The following MIA3 variants were observed in gnomAD, a reference collection of about 807,000 sequenced individuals.
The protein encoded by MIA3 is transport and Golgi organization protein 1 homolog.
In MIA3, 90 loss-of-function variants were observed where a neutral mutation model predicts 192.4. The observed-to-expected ratio is 0.47, with a 90% CI of 0.39 to 0.56. The LOEUF is 0.56. Ranked by LOEUF, MIA3 falls within the 20% of genes least tolerant of loss-of-function variation. The probability of loss-of-function intolerance (pLI) is 0.00; values close to 1 mark genes in which losing one functional copy is unlikely to be tolerated. For missense variants in MIA3, 2,123 were observed against 2,269.4 expected (o/e 0.94, Z 1.31); for synonymous variants, 740 against 792.8 (o/e 0.93, Z 1.12).
At chr1:222,623,179 C>G (rs372824524) in intron 2 of MIA3, among the ~76,000 whole-genome samples, 2 of 152,126 alleles carry the variant, frequency 1.3e-5, no homozygotes, top group Admixed American at 6.5e-5. Context: ...CCTCCTACCC[C>G]CCGCCCAAAT....
intron 1 of MIA3, 34 bp downstream of exon 1, chr1:222,618,277 C>T: frequency 7.3e-7 from 1 of 1,372,940 alleles, no homozygotes; most frequent in Non-Finnish European, 9.6e-7. Flanking sequence ...GGCCTCGGGG[C>T]GGCTGGCCTT....
At position 222,618,215 on chromosome 1, in the gene MIA3, C is replaced by T; in HGVS notation, c.105C>T (p.His35=). 6.7e-7 allele frequency: 1 copy of T among 1,489,902 alleles called. No individual in the cohort carries two copies. Among genetic ancestry groups the T allele is most frequent in the Non-Finnish European group, 9.0e-7 (1 of 1,115,962 alleles). The allele number at this position is 1,489,902 out of a possible 1,614,324, so 92.3% of individuals were successfully genotyped here. Residue 35 remains histidine, a synonymous_variant, in exon 1 of 28, where the codon CAC becomes CAT. Coordinates refer to ENST00000344922, the MANE Select transcript of MIA3 (RefSeq NM_198551.4). ...DPSTGRRFSE[H]KLCADDECSM... ...GCACTGGCCGGCGGTTCTCGGAGCA[C>T]AAACTCTGCGCGGACGACGAATGCA... is the stretch of plus-strand genomic sequence containing the variant.
rs763756419 is a variant in MIA3 at position 222,658,503 on chromosome 1, G to A, written c.4608-219G>A. On this transcript the variant is annotated intron_variant, in intron 18 of 27. Coordinates refer to ENST00000344922, the MANE Select transcript of MIA3 (RefSeq NM_198551.4). ...TTTTTCACATTTGTTTCATTTACTA[G>A]TGAGGAGAGAATTATGAGACGTTAG... is the stretch of plus-strand genomic sequence containing the variant. The A allele has an allele frequency of 2.1e-5, 8 of 381,816 alleles. No homozygotes were observed. In the Admixed American group the frequency reaches 2.2e-4, roughly 11 times the overall value. 23.7% of individuals were successfully genotyped at this position (381,816 alleles called of 1,614,324 possible).
chr1:222,642,263 T>C (rs1259623133), intron 6 of MIA3, among the ~76,000 whole-genome samples: 2 of 152,154 alleles, frequency 1.3e-5, no homozygotes, highest in Non-Finnish European at 1.5e-5. Flanking sequence ...TACATATAAC[T>C]TATTGAATGT....
chr1:222,665,583 CCAGGACTGTTCA>C lies in MIA3; in HGVS notation c.5693_5704del (p.Asp1898_Gln1901del). 4 of 1,611,164 alleles carry C rather than the reference CCAGGACTGTTCA, an allele frequency of 2.5e-6. No homozygotes were observed. The highest frequency in any genetic ancestry group is 3.4e-6 in the Non-Finnish European group (4 of 1,178,912). On this transcript the variant is annotated inframe_deletion, in exon 28 of 28. Transcript: ENST00000344922. The stretch of plus-strand genomic sequence containing the variant: ...CTCCACCTGCCTCTCAGAGCACTAG[CCAGGACTGTTCA>C]CAGGCTTTAAAACAGAGCCCATAAA...
chr1:222,626,781 G>A (rs2124834831), intron 3 of MIA3, among the ~76,000 whole-genome samples: 2 of 152,296 alleles, frequency 1.3e-5, no homozygotes, highest in Middle Eastern at 6.8e-3. Context: ...ATCTCAGTAA[G>A]TTCCTTCTGA....
chr1:222,663,504 G>T (rs912429995), intron 26 of MIA3, among the ~76,000 whole-genome samples: 1 of 152,068 alleles, frequency 6.6e-6, no homozygotes, highest in African/African-American at 2.4e-5. Context: ...AGAACAAGAT[G>T]GTCCTATTAC....
chr1:222,629,588 A>G lies in MIA3; in HGVS notation c.2368A>G (p.Lys790Glu), dbSNP rs376170541. ...AACTAGTATGATTTTGGATAGCGAA[A>G]AAACAAGTGAGACTGCTGCCAAAGG... is the stretch of plus-strand genomic sequence containing the variant. The part of the protein sequence containing the change: ...QETSMILDSE[K>E]TSETAAKGVN... The change falls in exon 4 of 28, where the codon AAA becomes GAA. Residue 790 changes from lysine to glutamate, a missense_variant. Coordinates refer to ENST00000344922, the MANE Select transcript of MIA3 (RefSeq NM_198551.4). 1.2e-6 allele frequency: 2 copies of G among 1,614,030 alleles called. No individual in the cohort carries two copies. Among genetic ancestry groups the G allele is most frequent in the Admixed American group, 1.7e-5 (1 of 60,024 alleles).
rs763343908 is a variant in MIA3, at chr1:222,650,176, G to T, written c.3632-116G>T. The T allele has an allele frequency of 4.2e-6, 3 of 712,462 alleles. No individual in the cohort carries two copies. The South Asian group carries it at 4.5e-5, about 11-fold the overall frequency. 44.1% of individuals were successfully genotyped at this position (712,462 alleles called of 1,614,324 possible). On this transcript the variant is annotated intron_variant, in intron 8 of 27. Coordinates refer to ENST00000344922, the MANE Select transcript of MIA3 (RefSeq NM_198551.4). ...CACTTTTTAAAACCATAATAGTTAT[G>T]CTGAGAAGTTATTTTTTGTCATAGT...
At chr1:222,657,263 G>A (rs748322824) in intron 18 of MIA3, among the ~76,000 whole-genome samples, 23 of 152,182 alleles carry the variant, frequency 1.5e-4, no homozygotes, top group Non-Finnish European at 2.5e-4. Flanking sequence ...AATACTCCAA[G>A]TGTGCAGCTC....
chr1:222,662,710 TAAAC>T (rs2124932062), intron 26 of MIA3, among the ~76,000 whole-genome samples: 2 of 152,278 alleles, frequency 1.3e-5, no homozygotes, highest in Non-Finnish European at 2.9e-5. Context: ...GTAATTAACT[TAAAC>T]AAAAGTGAAA....
chr1:222,660,760 A>G (rs1050755651), intron 24 of MIA3: 1 of 166,612 alleles, frequency 6.0e-6, no homozygotes, highest in Non-Finnish European at 1.3e-5. Flanking sequence ...ATTAAGAAAA[A>G]TTTATGTATG....
chr1:222,655,762 G>A (rs149997340), intron 18 of MIA3, among the ~76,000 whole-genome samples: 29 of 152,136 alleles, frequency 1.9e-4, no homozygotes, highest in African/African-American at 4.3e-4. Context: ...TGTGAATTAC[G>A]TAAATGGCAA....
In MIA3 at chr1:222,665,530, T is replaced by C. The variant is rs1405871568; in HGVS notation, c.5635T>C (p.Leu1879=). 6.2e-7 allele frequency: 1 copy of C among 1,614,096 alleles called. No homozygotes were observed. The change falls in exon 28 of 28, where the codon TTA becomes CTA. Residue 1879 remains leucine (L), a synonymous_variant. Transcript: ENST00000344922. ...EYPPPPAVRD[L]LPSGSRDEPP... is the part of the protein sequence containing the mutation. ...CCCACCACCACCTGCTGTAAGAGAC[T>C]TACTGCCGTCAGGCTCTAGAGATGA...
rs751969769 is a variant in MIA3, at chr1:222,633,205, G to C, written c.3433G>C (p.Ala1145Pro). The change falls in exon 6 of 28, where the codon GCA becomes CCA. Residue 1145 changes from alanine (A) to proline (P), a missense_variant. Around this residue, in one of 3 missense-constraint regions of MIA3, gnomAD observed 1,357 missense variants for 1,396.1 expected, o/e 0.97. Transcript: ENST00000344922. ...EPASVTPLEN[A>P]ILLIYSFMFY... ...GGCAAGTGTCACACCTTTGGAAAAC[G>C]CAATCCTTCTAATATATTCATTCAT... 1 of 1,613,362 alleles carries C rather than the reference G, an allele frequency of 6.2e-7. No individual in the cohort carries two copies.
intron 3 of MIA3, among the ~76,000 whole-genome samples, chr1:222,626,353 C>CCTGTTTTGGGTT (rs71175177): frequency 4.0e-5 from 6 of 151,874 alleles, no homozygotes; most frequent in African/African-American, 7.3e-5. Context: ...AGAGACCTGA[C>CCTGTTTTGGGTT]CTGTATACTA....
chr1:222,665,544 C>G lies in MIA3; in HGVS notation c.5649C>G (p.Gly1883=). 1 of 1,614,160 alleles carries G rather than the reference C, an allele frequency of 6.2e-7. No homozygotes were observed. Among genetic ancestry groups the G allele is most frequent in the Non-Finnish European group, 8.5e-7 (1 of 1,180,016 alleles). Reference sequence around the variant, plus strand: ...CTGTAAGAGACTTACTGCCGTCAGGCTCTAGAGATGAGCCTCCACCTGCCT... The same window carrying G: ...CTGTAAGAGACTTACTGCCGTCAGGGTCTAGAGATGAGCCTCCACCTGCCT... ...PPAVRDLLPS[G]SRDEPPPASQ... is the part of the protein sequence containing the mutation. Residue 1883 remains glycine (G), a synonymous_variant, in exon 28 of 28, where the codon GGC becomes GGG. Transcript: ENST00000344922.
intron 18 of MIA3, among the ~76,000 whole-genome samples, chr1:222,658,202 C>G (rs1271184630): frequency 6.6e-6 from 1 of 152,176 alleles, no homozygotes; most frequent in Non-Finnish European, 1.5e-5. Flanking sequence ...AGGGGAGCTC[C>G]ATATCTGAAG....
rs1662333795 is a variant in MIA3 at position 222,630,186 on chromosome 1, TAGC to T, written c.2969_2971del (p.Ala990del). 1 of 1,614,042 alleles carries T rather than the reference TAGC, an allele frequency of 6.2e-7. No individual in the cohort carries two copies. The highest frequency in any genetic ancestry group is 1.7e-5 in the Admixed American group (1 of 59,998). The stretch of plus-strand genomic sequence containing the variant: ...GCTTCTGAGTCACAAATTCTGAGCA[TAGC>T]AGAAAAAATGCTTGATACTCGTGTG... On this transcript the variant is annotated inframe_deletion, in exon 4 of 28. Transcript: ENST00000344922.
Sources: allele counts gnomAD v4.1 joint callset (sites outside exome capture counted in the v4.1 genomes callset), GRCh38; gene constraint gnomAD v4.1.1; regional missense constraint gnomAD v4.1.1; transcripts MANE v1.5; gene names NCBI Gene and HGNC (gene_info 2026-07-23, HGNC 2026-07-21).